DLC1: variants seen among roughly 807,000 people sequenced by gnomAD.
DLC1 encodes DLC1 Rho GTPase activating protein.
DLC1 carries 54 observed loss-of-function variants against 140.3 expected under a neutral mutation model. The observed-to-expected ratio is 0.38, with a 90% confidence interval of 0.31 to 0.48. The LOEUF is 0.48. DLC1 is among the 20% of genes least tolerant of loss of function. The pLI is 0.96. For missense variants in DLC1, 2,536 were observed against 1,907.0 expected (o/e 1.33, Z -6.14); for synonymous variants, 986 against 728.1 (o/e 1.35, Z -5.70).
chr8:13,325,638 C>T (rs1396352409), intron 4 of DLC1, among the ~76,000 whole-genome samples: 1 of 152,128 alleles, frequency 6.6e-6, no homozygotes, highest in Non-Finnish European at 1.5e-5. Flanking sequence ...AAAGACCAAC[C>T]TCTGAAAACA....
Position 13,360,842 on chromosome 8 carries a change from T to C in DLC1, c.1314+32711A>G, listed in dbSNP as rs557247729. 9.9e-5 allele frequency among the ~76,000 whole-genome samples: 15 copies of C among 152,244 alleles called. No individual in the cohort carries two copies. In the East Asian group the frequency reaches 2.5e-3, roughly 25 times the overall value. On this transcript the variant is annotated intron_variant, in intron 4 of 17. Coordinates refer to ENST00000276297, the MANE Select transcript of DLC1 (RefSeq NM_182643.3). ...GTTTGTTTCCTTCTTTCAATGCTAA[T>C]TGTTTTGCATGGCTGGGCTCATGTT...
Position 13,120,356 on chromosome 8 carries a change from A to AAAAAAAAAAAAAAATATATATAT in DLC1, c.1349-4700_1349-4699insATATATATATTTTTTTTTTTTTT. On this transcript the variant is annotated intron_variant, in intron 5 of 17. Coordinates refer to ENST00000276297, the MANE Select transcript of DLC1 (RefSeq NM_182643.3). ...AGACTCCGTCGCAAAAAAAAAAAAA[A>AAAAAAAAAAAAAAATATATATAT]ATATATATATATATAAAATGTATAT... Among the ~76,000 whole-genome samples, 246 of 60,974 alleles carry AAAAAAAAAAAAAAATATATATAT rather than the reference A, an allele frequency of 4.0e-3. 2 individuals carry two copies. The highest frequency in any genetic ancestry group is 5.8e-3 in the Non-Finnish European group (155 of 26,520). 40.0% of individuals were successfully genotyped at this position (60,974 alleles called of 152,430 possible).
chr8:13,434,233 A>G (rs115601372), intron 2 of DLC1, among the ~76,000 whole-genome samples: 4,903 of 152,236 alleles, frequency 0.032, 258 homozygotes, highest in African/African-American at 0.11. Context: ...TACTTTTACA[A>G]ATGAGGATGA....
At chr8:13,433,007 T>G (rs1269752482) in intron 2 of DLC1, among the ~76,000 whole-genome samples, 1 of 148,284 alleles carries the variant, frequency 6.7e-6, no homozygotes, top group East Asian at 2.0e-4. Context: ...ACTTGTAAGT[T>G]GAAGAAAAGA....
chr8:13,538,183 C>T (rs1206419530), intron 1 of DLC1, among the ~76,000 whole-genome samples: 1 of 152,056 alleles, frequency 6.6e-6, no homozygotes, highest in Non-Finnish European at 1.5e-5. Context: ...AAAGTGGGAG[C>T]AGAGATAATA....
chr8:13,424,387 G>C (rs1007903662), intron 2 of DLC1, among the ~76,000 whole-genome samples: 1 of 151,980 alleles, frequency 6.6e-6, no homozygotes, highest in Admixed American at 6.6e-5. Flanking sequence ...TACTCTGGAG[G>C]CTGAGACAGG....
intron 2 of DLC1, among the ~76,000 whole-genome samples, chr8:13,439,593 C>T (rs749845741): frequency 1.1e-4 from 17 of 152,052 alleles, no homozygotes; most frequent in Middle Eastern, 6.8e-3. Flanking sequence ...TGGAAACATA[C>T]ACCTGTATTT....
At chr8:13,412,953 A>AAAAAG (rs1563326151) in intron 2 of DLC1, among the ~76,000 whole-genome samples, 1 of 147,276 alleles carries the variant, frequency 6.8e-6, no homozygotes, top group Non-Finnish European at 1.5e-5. Flanking sequence ...AAAAAAAAAA[A>AAAAAG]ATGCCGGTTT....
chr8:13,579,346 TA>T lies in DLC1; in HGVS notation c.-126+25190del, dbSNP rs1804974105. Among the ~76,000 whole-genome samples, 8 of 52,234 alleles carry T rather than the reference TA, an allele frequency of 1.5e-4. 2 individuals carry two copies. The highest frequency in any genetic ancestry group is 6.5e-4 in the African/African-American group (6 of 9,294). The allele number at this position is 52,234 out of a possible 152,430, so 34.3% of individuals were successfully genotyped here. A position where few individuals can be genotyped will look rare whatever the true frequency, so the allele number is the denominator to read the frequency against. On this transcript the variant is annotated intron_variant, in intron 1 of 1. Coordinates refer to the DLC1 transcript ENST00000631382. ...ATATATATATATATATATATATATATATATATATATATATATTTTTATATAA... is the reference window on the plus strand; with the variant it reads ...ATATATATATATATATATATATATATTATATATATATATATTTTTATATAA...
chr8:13,134,248 G>A (rs1362105747), intron 5 of DLC1, among the ~76,000 whole-genome samples: 11 of 152,170 alleles, frequency 7.2e-5, no homozygotes. Flanking sequence ...AATTTACTTC[G>A]GGGTTAATTG....
In DLC1 at chr8:13,533,664, C is replaced by T. The variant is rs79708986; in HGVS notation, c.-125-33468G>A. On this transcript the variant is annotated intron_variant, in intron 1 of 1. Transcript: ENST00000631382. ...ATTTCCAAACAAGATGCTTAAAACC[C>T]GCTCCATCATAATTACTTTATATGC... Among the ~76,000 whole-genome samples the T allele has an allele frequency of 4.4e-3, 674 of 152,176 alleles. 3 individuals carry two copies. Among genetic ancestry groups the T allele is most frequent in the African/African-American group, 0.016 (644 of 41,520 alleles).
At chr8:13,172,916 A>C (rs1825562962) in intron 5 of DLC1, among the ~76,000 whole-genome samples, 1 of 152,150 alleles carries the variant, frequency 6.6e-6, no homozygotes, top group Non-Finnish European at 1.5e-5. Context: ...TCTGTAGTTG[A>C]TGTTGCTGCT....
chr8:13,267,903 CTTTTCACTATGTCTTGGTGA>C (rs1161524526), intron 5 of DLC1, among the ~76,000 whole-genome samples: 5 of 152,036 alleles, frequency 3.3e-5, no homozygotes. Flanking sequence ...TATGCCATGT[CTTTTCACTATGTCTTGGTGA>C]TTTTGATTGT....
intron 5 of DLC1, among the ~76,000 whole-genome samples, chr8:13,215,166 C>T (rs1331639061): frequency 2.0e-5 from 3 of 152,152 alleles, no homozygotes. Flanking sequence ...TTCTCTATAT[C>T]CTTACGATAG....
At chr8:13,098,055 A>G (rs1273887088) in intron 10 of DLC1, among the ~76,000 whole-genome samples, 3 of 151,098 alleles carry the variant, frequency 2.0e-5, no homozygotes, top group Non-Finnish European at 4.4e-5. Flanking sequence ...AAAAAAAAAA[A>G]AAAGCTAGCC....
chr8:13,301,285 A>G (rs527987843), intron 5 of DLC1, among the ~76,000 whole-genome samples: 14 of 152,006 alleles, frequency 9.2e-5, no homozygotes, highest in African/African-American at 3.4e-4. Flanking sequence ...TATTGTGACA[A>G]TCTTTGAATT....
In DLC1 at chr8:13,383,367, G is replaced by A. The variant is rs572070890; in HGVS notation, c.1314+10186C>T. ...CTGTATGTTGGGTGAGTTTGCATAT[G>A]TTCAGAGAAAGAGGAACTATACCGG... On this transcript the variant is annotated intron_variant, in intron 4 of 17. Transcript: ENST00000276297. 2.6e-5 allele frequency among the ~76,000 whole-genome samples: 4 copies of A among 152,276 alleles called. No homozygotes were observed. In the South Asian group the frequency reaches 8.3e-4, roughly 32 times the overall value.
chr8:13,552,287 G>A (rs912670838), intron 1 of DLC1, among the ~76,000 whole-genome samples: 4 of 148,770 alleles, frequency 2.7e-5, no homozygotes, highest in African/African-American at 9.8e-5. Context: ...GGTAGAACTT[G>A]GAAGTGAAAT....
chr8:13,176,345 G>C (rs1321863086), intron 5 of DLC1, among the ~76,000 whole-genome samples: 1 of 152,136 alleles, frequency 6.6e-6, no homozygotes, highest in South Asian at 2.1e-4. Flanking sequence ...TTGGGAGGCC[G>C]AGGTGGGTGG....
Sources: gnomAD v4.1 joint callset for allele counts (sites outside exome capture counted in the v4.1 genomes callset) on GRCh38, gnomAD v4.1.1 for gene constraint, MANE v1.5 for transcripts, NCBI Gene and HGNC (gene_info 2026-07-23, HGNC 2026-07-21) for gene names.